ANAPC10: variants seen among roughly 807,000 people sequenced by gnomAD.
The protein encoded by ANAPC10 is anaphase-promoting complex subunit 10.
A neutral mutation model predicts 22.0 loss-of-function variants in ANAPC10; 12 were observed. The ratio of observed to expected loss-of-function variants is 0.55; its 90% CI spans 0.35 to 0.88. The LOEUF (loss-of-function observed/expected upper bound fraction) is 0.88, where lower values mean the gene tolerates loss of function less well. Among genes scored for constraint, ANAPC10 ranks in the 40% least tolerant of loss-of-function variants. ANAPC10 has a pLI of 0.01. For missense variants in ANAPC10, 188 were observed against 220.9 expected (o/e 0.85, Z 0.94); for synonymous variants, 65 against 69.5 (o/e 0.94, Z 0.32).
intron 4 of ANAPC10, among the ~76,000 whole-genome samples, chr4:145,038,343 T>C (rs372958361): frequency 4.3e-4 from 65 of 151,890 alleles, no homozygotes; most frequent in African/African-American, 1.5e-3. Context: ...CAAAACCCCG[T>C]CTCTATTAAA....
intron 2 of ANAPC10, 95 bp downstream of exon 2, chr4:145,095,890 G>T: frequency 6.5e-7 from 1 of 1,537,314 alleles, no homozygotes; most frequent in Non-Finnish European, 9.0e-7. Flanking sequence ...TCCACTGGGA[G>T]TCCTGGAATG....
intron 3 of ANAPC10, 91 bp downstream of exon 3, chr4:145,081,569 G>A (rs1254051980): frequency 6.1e-6 from 5 of 822,326 alleles, no homozygotes; most frequent in East Asian, 2.8e-5. Flanking sequence ...GTATTTCATT[G>A]TAATTTCTAT....
At chr4:145,071,675 T>C (rs1279235503) in intron 3 of ANAPC10, among the ~76,000 whole-genome samples, 2 of 152,140 alleles carry the variant, frequency 1.3e-5, no homozygotes, top group Non-Finnish European at 2.9e-5. Context: ...TGAAGGGTTA[T>C]CTTAGTTTCT....
intron 4 of ANAPC10, among the ~76,000 whole-genome samples, chr4:145,011,046 G>GA (rs1213891057): frequency 1.8e-4 from 28 of 152,080 alleles, no homozygotes; most frequent in Middle Eastern, 6.8e-3. Context: ...AATTCAAGAG[G>GA]ATTGCCTGAA....
chr4:144,997,343 T>A (rs1249579626), intron 4 of ANAPC10, among the ~76,000 whole-genome samples: 1 of 152,046 alleles, frequency 6.6e-6, no homozygotes, highest in African/African-American at 2.4e-5. Context: ...GACAGAAAGG[T>A]CGGGTTGCCC....
At chr4:145,088,730 A>T (rs1226177302) in intron 2 of ANAPC10, among the ~76,000 whole-genome samples, 2 of 152,244 alleles carry the variant, frequency 1.3e-5, no homozygotes, top group Non-Finnish European at 2.9e-5. Context: ...GGACACAGTC[A>T]TCTTTTAAAA....
chr4:145,074,093 CAA>C (rs984010004), intron 3 of ANAPC10, among the ~76,000 whole-genome samples: 2 of 151,448 alleles, frequency 1.3e-5, no homozygotes, highest in African/African-American at 4.8e-5. Flanking sequence ...AAATTCTTCC[CAA>C]GAGAATTAGC....
intron 3 of ANAPC10, among the ~76,000 whole-genome samples, chr4:145,081,044 G>T (rs1745939189): frequency 6.6e-6 from 1 of 152,078 alleles, no homozygotes; most frequent in African/African-American, 2.4e-5. Context: ...GCTGAGGTGG[G>T]AGGAATGCTT....
intron 4 of ANAPC10, among the ~76,000 whole-genome samples, chr4:145,016,378 A>C (rs916002919): frequency 1.3e-5 from 2 of 152,226 alleles, no homozygotes; most frequent in Non-Finnish European, 2.9e-5. Context: ...CAATTGCCTC[A>C]AAGACAATAA....
chr4:145,009,234 TATC>T (rs1332811260), intron 4 of ANAPC10, among the ~76,000 whole-genome samples: 1 of 152,034 alleles, frequency 6.6e-6, no homozygotes, highest in Non-Finnish European at 1.5e-5. Flanking sequence ...GAAGAATCAA[TATC>T]ATGAAAATGG....
At chr4:145,090,258 A>T (rs1307776187) in intron 2 of ANAPC10, among the ~76,000 whole-genome samples, 1 of 152,180 alleles carries the variant, frequency 6.6e-6, no homozygotes. Flanking sequence ...GTAAATATGT[A>T]AAAAGTTGTA....
At chr4:145,054,488 G>A (rs1741635166) in intron 4 of ANAPC10, among the ~76,000 whole-genome samples, 1 of 150,878 alleles carries the variant, frequency 6.6e-6, no homozygotes, top group African/African-American at 2.4e-5. Context: ...AACCCAGGAG[G>A]CAGAGCTTGC....
chr4:145,037,277 A>G (rs1015763164), intron 4 of ANAPC10, among the ~76,000 whole-genome samples: 2 of 152,188 alleles, frequency 1.3e-5, no homozygotes, highest in African/African-American at 4.8e-5. Context: ...CAGGTATGAG[A>G]AAATCTTATG....
chr4:145,030,466 C>G (rs554353296), intron 4 of ANAPC10, among the ~76,000 whole-genome samples: 1 of 152,204 alleles, frequency 6.6e-6, no homozygotes, highest in East Asian at 1.9e-4. Context: ...CTACTGGACA[C>G]TGGCTCTGAG....
At chr4:145,009,358 A>G (rs1019279794) in intron 4 of ANAPC10, among the ~76,000 whole-genome samples, 36 of 152,328 alleles carry the variant, frequency 2.4e-4, no homozygotes, top group Non-Finnish European at 4.4e-4. Context: ...GAACCAAAAA[A>G]GAGCCCACAT....
intron 4 of ANAPC10, among the ~76,000 whole-genome samples, chr4:144,998,635 T>A (rs921603788): frequency 2.6e-5 from 4 of 152,208 alleles, no homozygotes; most frequent in African/African-American, 9.7e-5. Context: ...GAGGGAAATT[T>A]ATAGCACTAA....
chr4:145,064,750 C>T, intron 3 of ANAPC10, 58 bp from the exon 4 acceptor site: 1 of 1,325,448 alleles, frequency 7.5e-7, no homozygotes, highest in South Asian at 1.6e-5. Context: ...ATTTCCAATG[C>T]ATCTTATCTT....
At chr4:145,060,081 T>C (rs939784882) in intron 4 of ANAPC10, among the ~76,000 whole-genome samples, 1 of 151,742 alleles carries the variant, frequency 6.6e-6, no homozygotes, top group African/African-American at 2.4e-5. Flanking sequence ...TTATCACTTC[T>C]ATATAGAAAT....
chr4:145,008,058 C>T (rs868446221), intron 4 of ANAPC10, among the ~76,000 whole-genome samples: 14 of 151,914 alleles, frequency 9.2e-5, no homozygotes, highest in Non-Finnish European at 1.8e-4. Context: ...CTATAAACAC[C>T]TCTATGCAAA....
Sources: allele counts gnomAD v4.1 joint callset (sites outside exome capture counted in the v4.1 genomes callset), GRCh38; gene constraint gnomAD v4.1.1; transcripts MANE v1.5; gene names NCBI Gene and HGNC (gene_info 2026-07-23, HGNC 2026-07-21).